The following ERBB4 variants were observed in gnomAD, a reference collection of about 807,000 sequenced individuals.
ERBB4 encodes receptor tyrosine-protein kinase erbB-4.
In ERBB4, 42 loss-of-function variants were observed where a neutral mutation model predicts 158.0. The ratio of observed to expected loss-of-function variants is 0.27; its 90% CI spans 0.21 to 0.34. The LOEUF is 0.34. Ranked by LOEUF, ERBB4 falls within the 10% of genes least tolerant of loss-of-function variation. ERBB4 has a pLI of 1.00. For missense variants in ERBB4, 1,333 were observed against 1,624.1 expected (o/e 0.82, Z 3.08); for synonymous variants, 583 against 558.7 (o/e 1.04, Z -0.61).
At chr2:211,991,614 G>C (rs2082076663) in intron 2 of ERBB4, among the ~76,000 whole-genome samples, 1 of 152,034 alleles carries the variant, frequency 6.6e-6, no homozygotes, top group African/African-American at 2.4e-5. Flanking sequence ...AGACTTAGAA[G>C]GTAAATCCAG....
At chr2:211,698,333 A>AAAG (rs2073102401) in intron 12 of ERBB4, among the ~76,000 whole-genome samples, 1 of 149,290 alleles carries the variant, frequency 6.7e-6, no homozygotes, top group African/African-American at 2.5e-5. Context: ...AAAAAAAAAA[A>AAAG]GGGGAATAAG....
chr2:211,569,433 G>A (rs1007811291), intron 19 of ERBB4, among the ~76,000 whole-genome samples: 2 of 152,154 alleles, frequency 1.3e-5, no homozygotes, highest in African/African-American at 4.8e-5. Flanking sequence ...CCAGCCTCAG[G>A]AAGCTTTCAT....
Position 212,375,519 on chromosome 2 carries a change from T to C in ERBB4, c.82+162930A>G, listed in dbSNP as rs138616921. On this transcript the variant is annotated intron_variant, in intron 1 of 27. Coordinates refer to ENST00000342788, the MANE Select transcript of ERBB4 (RefSeq NM_005235.3). ...GTTTAGAAGTTACATCAATAGCAAG[T>C]TGCTGGGCAACTACATATCTGAGAG... 5.9e-4 allele frequency among the ~76,000 whole-genome samples: 90 copies of C among 152,246 alleles called. 1 individual carries two copies. Among genetic ancestry groups the C allele is most frequent in the African/African-American group, 2.1e-3 (86 of 41,580 alleles).
chr2:212,288,667 C>T (rs2086093472), intron 1 of ERBB4, among the ~76,000 whole-genome samples: 1 of 152,042 alleles, frequency 6.6e-6, no homozygotes, highest in Admixed American at 6.6e-5. Context: ...GGTCACCCTT[C>T]AAAGTGTCTG....
At chr2:212,249,397 G>C (rs1574517499) in intron 1 of ERBB4, among the ~76,000 whole-genome samples, 1 of 122,390 alleles carries the variant, frequency 8.2e-6, no homozygotes, top group African/African-American at 3.0e-5. Context: ...TATAGTAAAA[G>C]ATATTGTGAC....
intron 1 of ERBB4, among the ~76,000 whole-genome samples, chr2:212,284,747 C>T (rs962022818): frequency 6.6e-6 from 1 of 151,936 alleles, no homozygotes; most frequent in Non-Finnish European, 1.5e-5. Flanking sequence ...TGTATTTCTT[C>T]CTCTTTAGTT....
intron 5 of ERBB4, 102 bp from the exon 6 acceptor site, chr2:211,725,296 T>G (rs1321867015): frequency 1.8e-5 from 16 of 871,034 alleles, no homozygotes; most frequent in Non-Finnish European, 2.0e-5. Flanking sequence ...TTTGACTCAA[T>G]TCAGCAAACA....
At chr2:211,704,710 C>G (rs998724787) in intron 10 of ERBB4, among the ~76,000 whole-genome samples, 1 of 152,078 alleles carries the variant, frequency 6.6e-6, no homozygotes, top group Admixed American at 6.6e-5. Context: ...TATCTATTTT[C>G]AATAGTACTT....
intron 1 of ERBB4, among the ~76,000 whole-genome samples, chr2:212,338,454 A>T (rs984344938): frequency 6.6e-6 from 1 of 152,162 alleles, no homozygotes; most frequent in African/African-American, 2.4e-5. Flanking sequence ...AAAGATCCAT[A>T]TATTTAATGT....
chr2:211,964,772 G>C (rs16847357), intron 2 of ERBB4, among the ~76,000 whole-genome samples: 22,920 of 152,094 alleles, frequency 0.15, 1,744 homozygotes, highest in African/African-American at 0.17. Flanking sequence ...AGGTCATGGG[G>C]ATTAAGATTC....
At chr2:211,989,330 T>C (rs1272064840) in intron 2 of ERBB4, among the ~76,000 whole-genome samples, 3 of 151,972 alleles carry the variant, frequency 2.0e-5, no homozygotes, top group Non-Finnish European at 4.4e-5. Flanking sequence ...TGACTTTTTC[T>C]ACTTGCTTCA....
At chr2:212,289,920 C>A (rs971864149) in intron 1 of ERBB4, among the ~76,000 whole-genome samples, 2 of 152,162 alleles carry the variant, frequency 1.3e-5, no homozygotes, top group African/African-American at 4.8e-5. Context: ...GATACCAAAT[C>A]TTTCAGCCTT....
chr2:211,884,316 C>CA (rs2078739225), intron 3 of ERBB4, among the ~76,000 whole-genome samples: 1 of 152,140 alleles, frequency 6.6e-6, no homozygotes, highest in Non-Finnish European at 1.5e-5. Context: ...AATAGCTACC[C>CA]TGGACTCTGA....
chr2:212,028,381 C>A (rs1047349893), intron 2 of ERBB4, among the ~76,000 whole-genome samples: 2 of 152,122 alleles, frequency 1.3e-5, no homozygotes, highest in African/African-American at 2.4e-5. Context: ...ATGTCCCCGC[C>A]TGGCAATGGC....
At position 211,673,165 on chromosome 2, in the gene ERBB4, G is replaced by T; in HGVS notation, c.1715C>A (p.Pro572Gln). The T allele has an allele frequency of 1.2e-6, 2 of 1,606,720 alleles. No individual in the cohort carries two copies. The highest frequency in any genetic ancestry group is 1.7e-6 in the Non-Finnish European group (2 of 1,173,418). The change falls in exon 14 of 28, where the codon CCG (proline) becomes CAG (glutamine). Residue 572 changes from proline (P) to glutamine (Q), a missense_variant and splice_region_variant. Coordinates refer to ENST00000342788, the MANE Select transcript of ERBB4 (RefSeq NM_005235.3). The stretch of plus-strand genomic sequence containing the variant: ...CACCACAGATGTCTTCAGGCTTACC[G>T]GTCCATGGCATGTGAGGAGGCCATC... ...MEDGLLTCHG[P>Q]GPDNCTKCSH...
chr2:211,491,194 AG>A (rs2065333430), intron 20 of ERBB4, among the ~76,000 whole-genome samples: 1 of 152,116 alleles, frequency 6.6e-6, no homozygotes, highest in Non-Finnish European at 1.5e-5. Context: ...ATTTATTGTA[AG>A]GGATTTTTTT....
At chr2:211,716,002 G>A (rs1377015154) in intron 7 of ERBB4, among the ~76,000 whole-genome samples, 1 of 152,184 alleles carries the variant, frequency 6.6e-6, no homozygotes, top group African/African-American at 2.4e-5. Context: ...ACGAGTTTCA[G>A]AAAATGCATG....
rs148231809 is a variant in ERBB4 at position 211,455,991 on chromosome 2, T to G, written c.2488-24891A>C. Among the ~76,000 whole-genome samples the G allele has an allele frequency of 8.1e-4, 123 of 152,312 alleles. 3 individuals carry two copies. The East Asian group carries it at 0.021, about 26-fold the overall frequency. Reference sequence around the variant, plus strand: ...ATTCAGGCATTAAGTATGTGATAATTTGGTCATTTTACTTAGTATCACATA... The same window carrying G: ...ATTCAGGCATTAAGTATGTGATAATGTGGTCATTTTACTTAGTATCACATA... On this transcript the variant is annotated intron_variant, in intron 20 of 27. Coordinates refer to ENST00000342788, the MANE Select transcript of ERBB4 (RefSeq NM_005235.3).
At chr2:211,819,236 G>T (rs1370011173) in intron 3 of ERBB4, among the ~76,000 whole-genome samples, 1 of 151,992 alleles carries the variant, frequency 6.6e-6, no homozygotes, top group Non-Finnish European at 1.5e-5. Flanking sequence ...TGCACATTCT[G>T]AGACAGACAT....
Sources: gnomAD v4.1 joint callset for allele counts (sites outside exome capture counted in the v4.1 genomes callset) on GRCh38, gnomAD v4.1.1 for gene constraint, MANE v1.5 for transcripts, NCBI Gene and HGNC (gene_info 2026-07-23, HGNC 2026-07-21) for gene names.